The following CP variants were observed in gnomAD, a reference collection of about 807,000 sequenced individuals.
The protein encoded by CP is ceruloplasmin, also known as caeruloplasmin.
CP carries 64 observed loss-of-function variants against 122.4 expected under a neutral mutation model. That is an observed-to-expected ratio of 0.52 (90% CI 0.43 to 0.64). The LOEUF is 0.64. Among genes scored for constraint, CP ranks in the 30% least tolerant of loss-of-function variants. The probability of loss-of-function intolerance (pLI) is 0.00; values close to 1 mark genes in which losing one functional copy is unlikely to be tolerated. For missense variants in CP, 1,167 were observed against 1,284.4 expected (o/e 0.91, Z 1.40); for synonymous variants, 440 against 436.4 (o/e 1.01, Z -0.10).
At chr3:149,198,661 AGAATAGCCCACTTCTGAGTT>A in intron 8 of CP, 83 bp from the exon 9 acceptor site, 4 of 1,130,196 alleles carry the variant, frequency 3.5e-6, no homozygotes, top group Non-Finnish European at 5.3e-6. Flanking sequence ...AGTTTAGTCT[AGAATAGCCCACTTCTGAGTT>A]CTTTGTTATA....
Position 149,167,027 on chromosome 3 carries a change from T to C in CP, c.587-977A>G, listed in dbSNP as rs200846027. On this transcript the variant is annotated intron_variant, in intron 4 of 5. Coordinates refer to the CP transcript ENST00000479771. ...CATTTCATAACATTTCACTTTTCTGTTCATAGTCTCTTATATGTGGTCCTT... is the reference window on the plus strand; with the variant it reads ...CATTTCATAACATTTCACTTTTCTGCTCATAGTCTCTTATATGTGGTCCTT... 5.9e-5 allele frequency: 95 copies of C among 1,606,326 alleles called. No homozygotes were observed. Among genetic ancestry groups the C allele is most frequent in the Non-Finnish European group, 7.2e-5 (84 of 1,173,272 alleles).
At chr3:149,214,161 C>A (rs1013653821) in intron 1 of CP, among the ~76,000 whole-genome samples, 4 of 152,114 alleles carry the variant, frequency 2.6e-5, no homozygotes, top group African/African-American at 7.2e-5. Flanking sequence ...AGTGGGATTC[C>A]TGATACCATG....
chr3:149,215,216 C>T (rs1258897688), intron 1 of CP, among the ~76,000 whole-genome samples: 2 of 152,184 alleles, frequency 1.3e-5, no homozygotes, highest in Admixed American at 1.3e-4. Context: ...TACACTTTGG[C>T]ATACATCATG....
chr3:149,211,586 G>C (rs1728102793), intron 2 of CP, among the ~76,000 whole-genome samples: 1 of 152,148 alleles, frequency 6.6e-6, no homozygotes, highest in African/African-American at 2.4e-5. Flanking sequence ...ACATTCAAAT[G>C]ACTTTTTCAG....
chr3:149,187,844 A>C, intron 10 of CP: 2 of 567,466 alleles, frequency 3.5e-6, no homozygotes, highest in Non-Finnish European at 6.3e-6. Flanking sequence ...AGGACCATTC[A>C]TGTAATTGAC....
At chr3:149,198,714 T>C (rs1727083798) in intron 8 of CP, 136 bp from the exon 9 acceptor site, 1 of 771,092 alleles carries the variant, frequency 1.3e-6, no homozygotes, top group East Asian at 2.7e-5. Flanking sequence ...ATCCCACTTA[T>C]GCTCTGGTGT....
intron 1 of CP, among the ~76,000 whole-genome samples, chr3:149,216,353 A>G (rs554368876): frequency 3.9e-4 from 59 of 152,338 alleles, no homozygotes; most frequent in African/African-American, 2.4e-5. Flanking sequence ...CAGTGGGGTC[A>G]TAGAATTAAA....
At chr3:149,184,943 T>C (rs1350505265) in intron 12 of CP, among the ~76,000 whole-genome samples, 15 of 152,156 alleles carry the variant, frequency 9.9e-5, no homozygotes, top group African/African-American at 3.4e-4. Context: ...TTTGTTAAGT[T>C]TGAATATAAA....
At chr3:149,217,895 T>C in intron 1 of CP, 1 of 451,710 alleles carries the variant, frequency 2.2e-6, no homozygotes, top group South Asian at 1.6e-5. Flanking sequence ...TGTTGTCTAG[T>C]TTTTTGGTCA....
intron 14 of CP, among the ~76,000 whole-genome samples, chr3:149,180,420 G>A (rs1219401394): frequency 5.3e-5 from 8 of 152,202 alleles, no homozygotes; most frequent in South Asian, 2.1e-4. Flanking sequence ...TCTGATCTGC[G>A]TTTCCATTCA....
chr3:149,166,384 G>A (rs1724418905), intron 4 of CP, among the ~76,000 whole-genome samples: 1 of 152,140 alleles, frequency 6.6e-6, no homozygotes, highest in Non-Finnish European at 1.5e-5. Flanking sequence ...AAAACAAAGA[G>A]TAGGCTTTGT....
At chr3:149,188,328 T>C (rs1726315268) in intron 9 of CP, 126 bp from the exon 10 acceptor site, 1 of 772,032 alleles carries the variant, frequency 1.3e-6, no homozygotes, top group Non-Finnish European at 2.1e-6. Context: ...CTGTTGCTCT[T>C]TGTAAACTAG....
At chr3:149,173,756 AT>A in intron 18 of CP, 26 bp from the exon 19 acceptor site, 1 of 1,190,188 alleles carries the variant, frequency 8.4e-7, no homozygotes, top group Non-Finnish European at 1.2e-6. Context: ...TTTTAAGACC[AT>A]TATTAAAAAT....
rs371773141 is a variant in CP at position 149,202,194 on chromosome 3, G to C, written c.1256C>G (p.Ser419Cys). Reference sequence around the variant, plus strand: ...CTCACGATAAACCAGCTTTTTATAAGAGCCTCCAATTCTTGTGGTACCTTG... The same window carrying C: ...CTCACGATAAACCAGCTTTTTATAACAGCCTCCAATTCTTGTGGTACCTTG... ...FEQGTTRIGG[S>C]YKKLVYREYT... The change falls in exon 7 of 19, where the codon TCT becomes TGT. Residue 419 changes from serine (S) to cysteine (C), a missense_variant. Physicochemically the swap from Ser to Cys is moderately radical, Grantham distance 112. Coordinates refer to ENST00000264613, the MANE Select transcript of CP (RefSeq NM_000096.4). 11 of 1,614,012 alleles carry C rather than the reference G, an allele frequency of 6.8e-6. No individual in the cohort carries two copies. Among genetic ancestry groups the C allele is most frequent in the Middle Eastern group, 1.6e-4 (1 of 6,084 alleles).
intron 9 of CP, among the ~76,000 whole-genome samples, chr3:149,195,356 A>G (rs1410297775): frequency 6.6e-6 from 1 of 152,240 alleles, no homozygotes; most frequent in Non-Finnish European, 1.5e-5. Context: ...GGCAAAATAC[A>G]AAGAGACATG....
intron 4 of CP, among the ~76,000 whole-genome samples, chr3:149,208,184 A>G (rs1727870365): frequency 6.6e-6 from 1 of 152,142 alleles, no homozygotes; most frequent in Admixed American, 6.6e-5. Flanking sequence ...GGACAGAGCC[A>G]CAAAGACCTA....
chr3:149,209,364 C>T lies in CP; in HGVS notation c.628G>A (p.Glu210Lys). 1 of 1,613,454 alleles carries T rather than the reference C, an allele frequency of 6.2e-7. No homozygotes were observed. Among genetic ancestry groups the T allele is most frequent in the Non-Finnish European group, 8.5e-7 (1 of 1,179,612 alleles). Reference sequence around the variant, plus strand: ...ACAAATTCTCGGTCAATATGTTTTTCTTTTTCTTTATCTAGAGAATCTGGA... The same window carrying T: ...ACAAATTCTCGGTCAATATGTTTTTTTTTTTCTTTATCTAGAGAATCTGGA... ...CKKDSLDKEKEKHIDREFVVM... is the reference protein window; with the variant it reads ...CKKDSLDKEKKKHIDREFVVM... The change falls in exon 4 of 19, where the codon GAA (glutamate) becomes AAA (lysine). Residue 210 changes from glutamate (E) to lysine (K), a missense_variant. By Grantham distance (56) the Glu-to-Lys change is moderately conservative. Transcript: ENST00000264613.
At chr3:149,214,803 T>C (rs1728350567) in intron 1 of CP, among the ~76,000 whole-genome samples, 1 of 152,200 alleles carries the variant, frequency 6.6e-6, no homozygotes, top group South Asian at 2.1e-4. Flanking sequence ...ATATATGTCT[T>C]AACAACAGCA....
At position 149,202,229 on chromosome 3, in the gene CP, C is replaced by T. The variant is rs1414404901; in HGVS notation, c.1221G>A (p.Val407=). 8 of 1,614,160 alleles carry T rather than the reference C, an allele frequency of 5.0e-6. 1 individual carries two copies. The Middle Eastern group carries it at 4.9e-4, about 100-fold the overall frequency. ...NLTAPGSDSA[V]FFEQGTTRIG... is the part of the protein sequence containing the mutation. ...TTCTTGTGGTACCTTGTTCAAAAAA[C>T]ACCGCTGAGTCACTGCAGGGGGAAA... is the stretch of plus-strand genomic sequence containing the variant. Residue 407 remains valine, a synonymous_variant, in exon 7 of 19, where the codon GTG becomes GTA. Coordinates refer to ENST00000264613, the MANE Select transcript of CP (RefSeq NM_000096.4).
Sources: gnomAD v4.1 joint callset for allele counts (sites outside exome capture counted in the v4.1 genomes callset) on GRCh38, gnomAD v4.1.1 for gene constraint, MANE v1.5 for transcripts, NCBI Gene and HGNC (gene_info 2026-07-23, HGNC 2026-07-21) for gene names.